The following DCDC1 variants were observed in gnomAD, a reference collection of about 807,000 sequenced individuals.
DCDC1 encodes doublecortin domain containing 1.
A neutral mutation model predicts 178.3 loss-of-function variants in DCDC1; 200 were observed. The observed-to-expected ratio is 1.12, with a 90% CI of 1.00 to 1.26. The LOEUF (loss-of-function observed/expected upper bound fraction) is 1.26, where lower values mean the gene tolerates loss of function less well. Ranked by LOEUF, DCDC1 falls within the 50% of genes most tolerant of loss-of-function variation. The pLI, the probability that DCDC1 is intolerant of heterozygous loss-of-function variation, is 0.00. For missense variants in DCDC1, 1,983 were observed against 1,749.2 expected, an observed-to-expected ratio of 1.13 and a Z score of -2.38; for synonymous variants, 690 against 604.8, an observed-to-expected ratio of 1.14 and a Z score of -2.07.
chr11:31,175,947 T>A lies in DCDC1; in HGVS notation c.1222-38163A>T, dbSNP rs74625252. 6.0e-3 allele frequency among the ~76,000 whole-genome samples: 916 copies of A among 152,000 alleles called. 12 individuals are homozygous for A. The highest frequency in any genetic ancestry group is 0.021 in the African/African-American group (881 of 41,418). Reference sequence around the variant, plus strand: ...ATCATAAAATTTGAAAAGACAACTATCCCACTAGATGCACAGATATCAATG... The same window carrying A: ...ATCATAAAATTTGAAAAGACAACTAACCCACTAGATGCACAGATATCAATG... On this transcript the variant is annotated intron_variant, in intron 9 of 38. Coordinates refer to ENST00000684477, the MANE Select transcript of DCDC1 (RefSeq NM_001387274.1).
At chr11:31,293,305 A>G (rs757158921) in intron 6 of DCDC1, among the ~76,000 whole-genome samples, 1 of 152,186 alleles carries the variant, frequency 6.6e-6, no homozygotes, top group Non-Finnish European at 1.5e-5. Context: ...TGTAAGTGAC[A>G]GAAAAGGCTG....
chr11:31,324,923 T>C (rs572196161), intron 3 of DCDC1, among the ~76,000 whole-genome samples: 1 of 152,148 alleles, frequency 6.6e-6, no homozygotes, highest in Non-Finnish European at 1.5e-5. Context: ...TAGTATTTAC[T>C]TTTTAAAAAC....
chr11:31,290,511 A>G (rs1565558213), intron 7 of DCDC1, 136 bp downstream of exon 7: 2 of 925,852 alleles, frequency 2.2e-6, no homozygotes, highest in Admixed American at 6.2e-5. Context: ...TTTATACAGA[A>G]TTTTTTAGTT....
At chr11:31,229,753 C>T (rs2136761042) in intron 9 of DCDC1, among the ~76,000 whole-genome samples, 1 of 152,018 alleles carries the variant, frequency 6.6e-6, no homozygotes, top group East Asian at 1.9e-4. Context: ...TCCACATTAA[C>T]AAAATGAAGA....
chr11:31,005,511 AT>A (rs1256302575), intron 20 of DCDC1, among the ~76,000 whole-genome samples: 1 of 152,156 alleles, frequency 6.6e-6, no homozygotes, highest in African/African-American at 2.4e-5. Flanking sequence ...ATTTCCATTC[AT>A]TTCAATTCAA....
chr11:31,060,984 A>G (rs891979841), intron 20 of DCDC1, among the ~76,000 whole-genome samples: 2 of 152,172 alleles, frequency 1.3e-5, no homozygotes, highest in African/African-American at 4.8e-5. Flanking sequence ...GAGAAATGTC[A>G]GTGCGATCCC....
At chr11:31,191,799 A>C (rs905876390) in intron 9 of DCDC1, among the ~76,000 whole-genome samples, 14 of 152,006 alleles carry the variant, frequency 9.2e-5, no homozygotes, top group Admixed American at 6.6e-5. Context: ...AATTCACCAT[A>C]TTCATTTCCA....
intron 9 of DCDC1, among the ~76,000 whole-genome samples, chr11:31,182,927 CA>C (rs570109597): frequency 6.7e-6 from 1 of 149,166 alleles, no homozygotes; most frequent in Non-Finnish European, 1.5e-5. Context: ...AAATGGAAAG[CA>C]AAAAAAAAGC....
chr11:31,309,640 T>TA (rs869067238), intron 3 of DCDC1, among the ~76,000 whole-genome samples: 1 of 152,022 alleles, frequency 6.6e-6, no homozygotes, highest in Non-Finnish European at 1.5e-5. Context: ...CATATTTTTT[T>TA]AAAAAAATGG....
intron 11 of DCDC1, among the ~76,000 whole-genome samples, chr11:31,119,625 TA>T (rs2135875750): frequency 6.6e-6 from 1 of 152,328 alleles, no homozygotes; most frequent in South Asian, 2.1e-4. Context: ...CATAGATTCC[TA>T]AATATTAAAA....
At chr11:31,302,726 T>A (rs890988914) in intron 6 of DCDC1, among the ~76,000 whole-genome samples, 16 of 152,172 alleles carry the variant, frequency 1.1e-4, no homozygotes, top group South Asian at 2.1e-4. Context: ...TTCTATTAGA[T>A]CCAATGCCAC....
At position 30,915,637 on chromosome 11, in the gene DCDC1, C is replaced by G; in HGVS notation, c.3527G>C (p.Ser1176Thr). ...QFEYRDGQII[S>T]HAAPQLVLGV... ...CAAGACTAGCTGAGGAGCAGCATGG[C>G]TTATAATCTGCCCATCTCTGTATTC... The change falls in exon 27 of 39, where the codon AGC (serine) becomes ACC (threonine). Residue 1176 changes from serine (S) to threonine (T), a missense_variant. Coordinates refer to ENST00000684477, the MANE Select transcript of DCDC1 (RefSeq NM_001387274.1). 1 of 1,613,966 alleles carries G rather than the reference C, an allele frequency of 6.2e-7. No homozygotes were observed. Among genetic ancestry groups the G allele is most frequent in the Non-Finnish European group, 8.5e-7 (1 of 1,179,866 alleles).
At chr11:31,085,870 G>A (rs949042125) in intron 17 of DCDC1, among the ~76,000 whole-genome samples, 1 of 151,950 alleles carries the variant, frequency 6.6e-6, no homozygotes, top group Non-Finnish European at 1.5e-5. Flanking sequence ...ACCATGCTCA[G>A]ATAATTTTTA....
At chr11:30,888,611 G>A (rs980201572) in intron 36 of DCDC1, among the ~76,000 whole-genome samples, 2 of 152,234 alleles carry the variant, frequency 1.3e-5, no homozygotes, top group East Asian at 3.9e-4. Flanking sequence ...CAGCTACTCA[G>A]AAGGCTGAGG....
chr11:31,013,190 A>G (rs915496312), intron 20 of DCDC1, among the ~76,000 whole-genome samples: 2 of 152,170 alleles, frequency 1.3e-5, no homozygotes, highest in South Asian at 2.1e-4. Flanking sequence ...TCTGTAAAAT[A>G]TCTTTCTAAC....
At chr11:31,285,243 CTTCTT>C (rs1186049170) in intron 7 of DCDC1, among the ~76,000 whole-genome samples, 1 of 146,098 alleles carries the variant, frequency 6.8e-6, no homozygotes, top group African/African-American at 2.8e-5. Context: ...TTTTAAAACT[CTTCTT>C]TTGTGTTTTT....
At chr11:31,270,238 AATC>A (rs1416853469) in intron 7 of DCDC1, among the ~76,000 whole-genome samples, 2 of 152,218 alleles carry the variant, frequency 1.3e-5, no homozygotes, top group Non-Finnish European at 2.9e-5. Context: ...TCAAAAGATG[AATC>A]ATACTTTGTG....
chr11:31,080,858 G>C (rs755343706), intron 17 of DCDC1, among the ~76,000 whole-genome samples: 27 of 152,126 alleles, frequency 1.8e-4, no homozygotes, highest in Non-Finnish European at 3.8e-4. Context: ...TAAATGAAAT[G>C]GCAAATGATA....
chr11:31,147,851 C>T (rs901142564), intron 9 of DCDC1, among the ~76,000 whole-genome samples: 37 of 152,164 alleles, frequency 2.4e-4, no homozygotes, highest in Non-Finnish European at 4.3e-4. Flanking sequence ...CCAGACATCT[C>T]GATCTAAGGG....
Sources: allele counts gnomAD v4.1 joint callset (sites outside exome capture counted in the v4.1 genomes callset), GRCh38; gene constraint gnomAD v4.1.1; transcripts MANE v1.5; gene names NCBI Gene and HGNC (gene_info 2026-07-23, HGNC 2026-07-21).